The following TUBA3E variants were observed in gnomAD, a reference collection of about 807,000 sequenced individuals.
The protein encoded by TUBA3E is tubulin alpha-3E chain.
A neutral mutation model predicts 36.7 loss-of-function variants in TUBA3E; 21 were observed. That is an observed-to-expected ratio of 0.57 (90% CI 0.41 to 0.83). The LOEUF (loss-of-function observed/expected upper bound fraction) is 0.83. Among genes scored for constraint, TUBA3E ranks in the 40% least tolerant of loss-of-function variants. TUBA3E has a pLI of 0.00. For synonymous variants in TUBA3E, 177 were observed against 241.9 expected, an observed-to-expected ratio of 0.73 and a Z score of 2.49; for missense variants, 469 against 604.2, an observed-to-expected ratio of 0.78 and a Z score of 2.35.
intron 2 of TUBA3E, 109 bp from the exon 3 acceptor site, chr2:130,195,336 G>A (rs964930566): frequency 1.0e-5 from 15 of 1,464,236 alleles, no homozygotes; most frequent in Non-Finnish European, 1.3e-5. Context: ...CAAAGTACAT[G>A]ACCTACATGT....
rs771838173 is a variant in TUBA3E at position 130,194,263 on chromosome 2, C to T, written c.579G>A (p.Thr193=). The T allele has an allele frequency of 2.5e-5, 40 of 1,582,616 alleles. 1 individual carries two copies. Among genetic ancestry groups the T allele is most frequent in the South Asian group, 4.5e-5 (4 of 88,484 alleles). The stretch of plus-strand genomic sequence containing the variant: ...AGGCACAGTCAGAATGTTCCAGGGT[C>T]GTGTGGGTGGTTAGGATGGAGTTGT... ...EPYNSILTTH[T]TLEHSDCAFM... is the part of the protein sequence containing the mutation. The change falls in exon 4 of 5, where the codon ACG becomes ACA. Residue 193 remains threonine, a synonymous_variant. Coordinates refer to ENST00000312988, the MANE Select transcript of TUBA3E (RefSeq NM_207312.3).
rs76767502 is a variant in TUBA3E, at chr2:130,194,052, G to C, written c.790C>G (p.Arg264Gly). 4.4e-4 allele frequency: 713 copies of C among 1,614,144 alleles called. 1 individual carries two copies. The African/African-American group carries it at 8.4e-3, about 19-fold the overall frequency. ...TAGGTGGCCAGGGGGAAGTGGATGC[G>C]GGGGTACGGCACGAGGTTGGTCTGG... ...EFQTNLVPYP[R>G]IHFPLATYAP... Residue 264 changes from arginine to glycine, a missense_variant, in exon 4 of 5, where the codon CGC (arginine) becomes GGC (glycine). Physicochemically the swap from Arg to Gly is moderately radical, Grantham distance 125. Transcript: ENST00000312988.
intron 1 of TUBA3E, 72 bp from the exon 2 acceptor site, chr2:130,196,443 T>C (rs1690407933): frequency 1.9e-6 from 3 of 1,555,354 alleles, no homozygotes; most frequent in Non-Finnish European, 8.7e-7. Flanking sequence ...TGCAAAATAT[T>C]CTAATTTAAT....
chr2:130,192,921 C>T (rs183198753), intron 4 of TUBA3E, among the ~76,000 whole-genome samples: 1 of 152,162 alleles, frequency 6.6e-6, no homozygotes, highest in African/African-American at 2.4e-5. Context: ...TGGCAAAATC[C>T]CATCTCTACT....
intron 1 of TUBA3E, among the ~76,000 whole-genome samples, chr2:130,197,120 C>T (rs1371416675): frequency 6.6e-6 from 1 of 152,184 alleles, no homozygotes; most frequent in Non-Finnish European, 1.5e-5. Context: ...TCTCTCTACC[C>T]CTTGAAGCCT....
intron 1 of TUBA3E, among the ~76,000 whole-genome samples, chr2:130,197,625 T>C (rs1265333573): frequency 0.01 from 1,294 of 126,568 alleles, 44 homozygotes; most frequent in African/African-American, 0.033. Flanking sequence ...TTGTTTGGTT[T>C]TTTGAGGCAG....
intron 4 of TUBA3E, among the ~76,000 whole-genome samples, chr2:130,193,330 T>G (rs1013716947): frequency 6.6e-6 from 1 of 151,792 alleles, no homozygotes. Flanking sequence ...ATCACTGACC[T>G]GGGCGCAGTG....
In TUBA3E at chr2:130,194,060, G is replaced by C. The variant is rs768297311; in HGVS notation, c.782C>G (p.Pro261Arg). 14 of 1,614,066 alleles carry C rather than the reference G, an allele frequency of 8.7e-6. No individual in the cohort carries two copies. The highest frequency in any genetic ancestry group is 1.2e-5 in the Non-Finnish European group (14 of 1,180,030). The change falls in exon 4 of 5, where the codon CCG becomes CGG. Residue 261 changes from proline to arginine, a missense_variant. Pro to Arg is a moderately radical substitution (Grantham distance 103). This residue lies in a region of TUBA3E where 296 missense variants were observed against 346.9 expected (regional missense o/e 0.85). Coordinates refer to ENST00000312988, the MANE Select transcript of TUBA3E (RefSeq NM_207312.3). ...DLTEFQTNLV[P>R]YPRIHFPLAT... ...CAGGGGGAAGTGGATGCGGGGGTAC[G>C]GCACGAGGTTGGTCTGGAATTCCGT...
intron 2 of TUBA3E, 86 bp from the exon 3 acceptor site, chr2:130,195,313 A>G: frequency 1.3e-6 from 2 of 1,530,064 alleles, no homozygotes; most frequent in Non-Finnish European, 1.8e-6. Flanking sequence ...ACTTCTACAG[A>G]GCACATGCTG....
intron 3 of TUBA3E, among the ~76,000 whole-genome samples, chr2:130,194,787 T>C (rs2313995): frequency 1.3e-5 from 2 of 152,246 alleles, no homozygotes; most frequent in African/African-American, 4.8e-5. Flanking sequence ...AAGCAATTCT[T>C]CTGCCTCAGC....
Position 130,198,297 on chromosome 2 carries a change from C to G in TUBA3E, c.3+61G>C. 1.6e-5 allele frequency: 21 copies of G among 1,347,644 alleles called. 7 individuals are homozygous for G. The highest frequency in any genetic ancestry group is 2.1e-5 in the Non-Finnish European group (21 of 988,556). The allele number at this position is 1,347,644 out of a possible 1,614,324, so 83.5% of individuals were successfully genotyped here. A position where few individuals can be genotyped will look rare whatever the true frequency, so the allele number is the denominator to read the frequency against. On this transcript the variant is annotated intron_variant, in intron 1 of 4. Transcript: ENST00000312988. ...CAGGCCCGCAACAACGTCCCTCTGT[C>G]CACCCGAGGCCAACTTCGTCTGCCT...
intron 1 of TUBA3E, among the ~76,000 whole-genome samples, chr2:130,196,907 C>T (rs1479541318): frequency 1.3e-5 from 2 of 152,132 alleles, no homozygotes; most frequent in Admixed American, 6.6e-5. Context: ...AGGCCTTCCT[C>T]GCCCTCTGGC....
chr2:130,192,200 A>C, intron 4 of TUBA3E, 73 bp from the exon 5 acceptor site: 2 of 1,539,750 alleles, frequency 1.3e-6, no homozygotes. Context: ...CTTCTCCTCA[A>C]ACAGAAGACA....
chr2:130,197,089 T>C (rs2621999), intron 1 of TUBA3E, among the ~76,000 whole-genome samples: 83,808 of 151,768 alleles, frequency 0.55, 26,514 homozygotes, highest in African/African-American at 0.88. Context: ...ACTACCCTCC[T>C]AATTTCTTGT....
rs1447474246 is a variant in TUBA3E at position 130,198,231 on chromosome 2, G to T, written c.3+127C>A. 23 of 1,104,120 alleles carry T rather than the reference G, an allele frequency of 2.1e-5. 4 individuals are homozygous for T. The East Asian group carries it at 6.7e-4, about 32-fold the overall frequency. The allele number at this position is 1,104,120 out of a possible 1,614,324, so 68.4% of individuals were successfully genotyped here. On this transcript the variant is annotated intron_variant, in intron 1 of 4. Transcript: ENST00000312988. ...AAACGATCCCGTGTCCTCCTGTCCCGCACTAGACCCTGCGTCCTTCTCTGG... is the reference window on the plus strand; with the variant it reads ...AAACGATCCCGTGTCCTCCTGTCCCTCACTAGACCCTGCGTCCTTCTCTGG...
At chr2:130,195,301 T>G in intron 2 of TUBA3E, 74 bp from the exon 3 acceptor site, 1 of 1,563,810 alleles carries the variant, frequency 6.4e-7, no homozygotes. Flanking sequence ...CCAGGAGTGT[T>G]CACTTCTACA....
chr2:130,194,201 C>T lies in TUBA3E; in HGVS notation c.641G>A (p.Arg214Gln), dbSNP rs201354741. ...VDNEAIYDICRRNLDIERPTY... is the reference protein window; with the variant it reads ...VDNEAIYDICQRNLDIERPTY... Reference sequence around the variant, plus strand: ...GGGACGTTCAATGTCCAGGTTGCGCCGACATATGTCATAGATGGCTTCATT... The same window carrying T: ...GGGACGTTCAATGTCCAGGTTGCGCTGACATATGTCATAGATGGCTTCATT... Residue 214 changes from arginine to glutamine, a missense_variant, in exon 4 of 5, where the codon CGG becomes CAG. By Grantham distance (43) the Arg-to-Gln change is conservative. Around this residue, in one of 3 missense-constraint regions of TUBA3E, gnomAD observed 296 missense variants for 346.9 expected, o/e 0.85. Transcript: ENST00000312988. 77 of 1,612,768 alleles carry T rather than the reference C, an allele frequency of 4.8e-5. No homozygotes were observed. The highest frequency in any genetic ancestry group is 1.8e-4 in the Middle Eastern group (1 of 5,448).
rs1690332134 is a variant in TUBA3E, at chr2:130,193,866, T to C, written c.976A>G (p.Lys326Glu). 1 of 1,614,196 alleles carries C rather than the reference T, an allele frequency of 6.2e-7. No individual in the cohort carries two copies. The highest frequency in any genetic ancestry group is 8.5e-7 in the Non-Finnish European group (1 of 1,180,034). ...CMLYRGDVVP[K>E]DVNAAIATIK... ...GTGGCGATGGCCGCATTGACGTCTT[T>C]GGGGACCACGTCCCCCCTGTACAAC... The change falls in exon 4 of 5, where the codon AAA becomes GAA. Residue 326 changes from lysine to glutamate, a missense_variant. By Grantham distance (56) the Lys-to-Glu change is moderately conservative. Around this residue, in one of 3 missense-constraint regions of TUBA3E, gnomAD observed 296 missense variants for 346.9 expected, o/e 0.85. Transcript: ENST00000312988.
chr2:130,195,412 A>G (rs7426284), intron 2 of TUBA3E, among the ~76,000 whole-genome samples, 185 bp from the exon 3 acceptor site: 4,136 of 152,308 alleles, frequency 0.027, 153 homozygotes, highest in African/African-American at 0.087. Context: ...TGCATATGCA[A>G]TTTATGACTC....
Sources: allele counts gnomAD v4.1 joint callset (sites outside exome capture counted in the v4.1 genomes callset), GRCh38; gene constraint gnomAD v4.1.1; regional missense constraint gnomAD v4.1.1; transcripts MANE v1.5; gene names NCBI Gene and HGNC (gene_info 2026-07-23, HGNC 2026-07-21).